ZNF776: variants seen among roughly 807,000 people sequenced by gnomAD.
ZNF776 encodes zinc finger protein 776.
Under a neutral mutation model 7.0 loss-of-function variants are expected in ZNF776, and 4 were observed. The ratio of observed to expected loss-of-function variants is 0.57; its 90% CI spans 0.28 to 1.31. The LOEUF is 1.31. Among genes scored for constraint, ZNF776 ranks in the 50% most tolerant of loss-of-function variants. The pLI, the probability that ZNF776 is intolerant of heterozygous loss-of-function variation, is 0.10. For synonymous variants in ZNF776, 212 were observed against 213.7 expected (o/e 0.99, Z 0.07); for missense variants, 555 against 625.9 (o/e 0.89, Z 1.21).
chr19:57,747,187 G>C (rs941877563), intron 1 of ZNF776, 96 bp downstream of exon 1: 3 of 1,383,960 alleles, frequency 2.2e-6, no homozygotes, highest in Non-Finnish European at 2.9e-6. Context: ...TTTACACCCT[G>C]AACCCGGCGT....
In ZNF776 at chr19:57,746,975, C is replaced by G. The variant is rs889056997; in HGVS notation, c.-84C>G. 1.4e-6 allele frequency: 2 copies of G among 1,414,382 alleles called. No homozygotes were observed. The highest frequency in any genetic ancestry group is 2.9e-5 in the African/African-American group (2 of 69,856). The allele number at this position is 1,414,382 out of a possible 1,614,324, so 87.6% of individuals were successfully genotyped here. ...TTAAAGGCGCTAGGCGTGACCCGCA[C>G]CAAGGCCGGGATCGGGACCACCGTG... On this transcript the variant is annotated 5_prime_UTR_variant, in exon 1 of 3. Transcript: ENST00000317178.
chr19:57,751,228 A>G (rs182870126), intron 2 of ZNF776, among the ~76,000 whole-genome samples: 3 of 152,332 alleles, frequency 2.0e-5, no homozygotes, highest in East Asian at 3.9e-4. Context: ...CACAGGTTCT[A>G]CTTCCTTGCT....
chr19:57,748,779 G>A (rs1986517016), intron 1 of ZNF776, among the ~76,000 whole-genome samples: 1 of 152,094 alleles, frequency 6.6e-6, no homozygotes, highest in Non-Finnish European at 1.5e-5. Context: ...ATGCAGAAGT[G>A]TAGTCAAATT....
At chr19:57,747,243 C>T (rs1986463169) in intron 1 of ZNF776, among the ~76,000 whole-genome samples, 152 bp downstream of exon 1, 1 of 152,124 alleles carries the variant, frequency 6.6e-6, no homozygotes, top group African/African-American at 2.4e-5. Context: ...TTGACACCCG[C>T]GGGATGCGCT....
At chr19:57,747,115 C>A in intron 1 of ZNF776, 24 bp downstream of exon 1, 1 of 1,577,012 alleles carries the variant, frequency 6.3e-7, no homozygotes, top group East Asian at 2.3e-5. Flanking sequence ...CTTCCGTGCC[C>A]TCAGGTCACC....
chr19:57,750,641 A>G (rs1311633039), intron 1 of ZNF776, 144 bp from the exon 2 acceptor site: 2 of 1,074,152 alleles, frequency 1.9e-6, no homozygotes, highest in Non-Finnish European at 2.6e-6. Context: ...GTACACCATG[A>G]CCAGTGAGCC....
In ZNF776 at chr19:57,753,964, C is replaced by G. The variant is rs962167593; in HGVS notation, c.834C>G (p.His278Gln). The G allele has an allele frequency of 6.2e-7, 1 of 1,614,238 alleles. No homozygotes were observed. The highest frequency in any genetic ancestry group is 8.5e-7 in the Non-Finnish European group (1 of 1,180,044). Residue 278 changes from histidine to glutamine, a missense_variant, in exon 3 of 3, where the codon CAC (histidine) becomes CAG (glutamine). Physicochemically the swap from His to Gln is conservative, Grantham distance 24. Transcript: ENST00000317178. The part of the protein sequence containing the change: ...QCDESFWYKA[H>Q]LTEHQRVHTG... ...ATGAATCATTTTGGTATAAGGCCCACCTCACTGAACACCAGAGAGTTCACA... is the reference window on the plus strand; with the variant it reads ...ATGAATCATTTTGGTATAAGGCCCAGCTCACTGAACACCAGAGAGTTCACA...
At position 57,753,686 on chromosome 19, in the gene ZNF776, C is replaced by G; in HGVS notation, c.556C>G (p.His186Asp). ...SLRLLQQEDI[H>D]TSGKSNFETK... ...GAGATTACTCCAACAAGAGGACATTCACACTTCAGGGAAGTCAAACTTTGA... is the reference window on the plus strand; with the variant it reads ...GAGATTACTCCAACAAGAGGACATTGACACTTCAGGGAAGTCAAACTTTGA... Residue 186 changes from histidine to aspartate, a missense_variant, in exon 3 of 3, where the codon CAC becomes GAC. His to Asp is a moderately conservative substitution (Grantham distance 81). Coordinates refer to ENST00000317178, the MANE Select transcript of ZNF776 (RefSeq NM_173632.4). 6.2e-7 allele frequency: 1 copy of G among 1,614,158 alleles called. No individual in the cohort carries two copies. The highest frequency in any genetic ancestry group is 1.6e-4 in the Middle Eastern group (1 of 6,062).
rs1489787438 is a variant in ZNF776 at position 57,755,037 on chromosome 19, T to C, written c.*350T>C. ...TGACTGTAAGGAATTTGTAAAATTA[T>C]TTAGCCAGAAGAGCTGCATTACTAT... On this transcript the variant is annotated 3_prime_UTR_variant, in exon 3 of 3. Transcript: ENST00000317178. The C allele has an allele frequency of 4.1e-6, 1 of 246,640 alleles. No individual in the cohort carries two copies. Among genetic ancestry groups the C allele is most frequent in the African/African-American group, 2.2e-5 (1 of 44,452 alleles). 15.3% of individuals were successfully genotyped at this position (246,640 alleles called of 1,614,324 possible).
intron 1 of ZNF776, among the ~76,000 whole-genome samples, chr19:57,750,541 G>C (rs770715635): frequency 7.9e-5 from 12 of 152,204 alleles, no homozygotes; most frequent in African/African-American, 1.2e-4. Flanking sequence ...TCTACCAGGG[G>C]CATTGGCTAT....
chr19:57,751,868 GTT>G (rs768825787), intron 2 of ZNF776, among the ~76,000 whole-genome samples: 2 of 67,504 alleles, frequency 3.0e-5, no homozygotes, highest in South Asian at 6.8e-4. Context: ...TTTTGGTTTT[GTT>G]TTTTTTTTTT....
chr19:57,747,530 G>C (rs1259992780), intron 1 of ZNF776, among the ~76,000 whole-genome samples: 1 of 152,182 alleles, frequency 6.6e-6, no homozygotes, highest in Admixed American at 6.5e-5. Context: ...TTGGGCCCTG[G>C]GAGGTTGAAT....
chr19:57,751,874 T>G (rs1457646092), intron 2 of ZNF776, among the ~76,000 whole-genome samples: 1 of 113,964 alleles, frequency 8.8e-6, no homozygotes, highest in Non-Finnish European at 1.7e-5. Context: ...TTTTGTTTTT[T>G]TTTTTTTTTT....
At position 57,747,023 on chromosome 19, in the gene ZNF776, C is replaced by T. The variant is rs1475612279; in HGVS notation, c.-36C>T. On this transcript the variant is annotated 5_prime_UTR_variant, in exon 1 of 3. Transcript: ENST00000317178. ...GTGCCCGGGTACCTGCACTGCTCGCCCCCTCCTTTCGACCCCGCTTTCCCC... is the reference window on the plus strand; with the variant it reads ...GTGCCCGGGTACCTGCACTGCTCGCTCCCTCCTTTCGACCCCGCTTTCCCC... 6.4e-7 allele frequency: 1 copy of T among 1,558,378 alleles called. No homozygotes were observed. The highest frequency in any genetic ancestry group is 8.7e-7 in the Non-Finnish European group (1 of 1,150,144).
At position 57,753,523 on chromosome 19, in the gene ZNF776, A is replaced by G; in HGVS notation, c.393A>G (p.Gln131=). Residue 131 remains glutamine (Q), a synonymous_variant, in exon 3 of 3, where the codon CAA becomes CAG. Transcript: ENST00000317178. The part of the protein sequence containing the change: ...KKLDDDANHH[Q]DQKQHIGEKS... Reference sequence around the variant, plus strand: ...TGGATGACGATGCAAACCATCATCAAGACCAGAAGCAGCACATTGGAGAGA... The same window carrying G: ...TGGATGACGATGCAAACCATCATCAGGACCAGAAGCAGCACATTGGAGAGA... 1 of 1,614,260 alleles carries G rather than the reference A, an allele frequency of 6.2e-7. No homozygotes were observed. The highest frequency in any genetic ancestry group is 8.5e-7 in the Non-Finnish European group (1 of 1,180,038).
chr19:57,756,033 TTAACAC>T lies in ZNF776; in HGVS notation c.*1350_*1355del, dbSNP rs1431811822. 1 of 151,304 alleles carries T rather than the reference TTAACAC, an allele frequency of 6.6e-6. No individual in the cohort carries two copies. The highest frequency in any genetic ancestry group is 6.7e-5 in the Admixed American group (1 of 14,992). The allele number at this position is 151,304 out of a possible 1,614,324, so 9.4% of individuals were successfully genotyped here. Reference sequence around the variant, plus strand: ...TGTCTTGTGCCGCATATGAAATACATTAACACTAATGATAGCTGATGAACTTTTTTA... The same window carrying T: ...TGTCTTGTGCCGCATATGAAATACATTAATGATAGCTGATGAACTTTTTTA... On this transcript the variant is annotated 3_prime_UTR_variant, in exon 3 of 3. Transcript: ENST00000317178.
At position 57,757,959 on chromosome 19, in the gene ZNF776, T is replaced by C. The variant is rs1986826844; in HGVS notation, c.*3272T>C. Reference sequence around the variant, plus strand: ...TTAGATGTTCTTCTTTTTTCTTTATTATTATTTTTATTTCACATAGCAGGG... The same window carrying C: ...TTAGATGTTCTTCTTTTTTCTTTATCATTATTTTTATTTCACATAGCAGGG... On this transcript the variant is annotated 3_prime_UTR_variant, in exon 3 of 3. Coordinates refer to ENST00000317178, the MANE Select transcript of ZNF776 (RefSeq NM_173632.4). 6.6e-6 allele frequency: 1 copy of C among 152,218 alleles called. No individual in the cohort carries two copies. Among genetic ancestry groups the C allele is most frequent in the African/African-American group, 2.4e-5 (1 of 41,456 alleles). 9.4% of individuals were successfully genotyped at this position (152,218 alleles called of 1,614,324 possible). A position where few individuals can be genotyped will look rare whatever the true frequency, so the allele number is the denominator to read the frequency against.
At position 57,756,676 on chromosome 19, in the gene ZNF776, G is replaced by A. The variant is rs187879974; in HGVS notation, c.*1989G>A. On this transcript the variant is annotated 3_prime_UTR_variant, in exon 3 of 3. Transcript: ENST00000317178. ...GGGACAGTTTTAGTGACACACTTTGGTGCTTCTGAGAACAGCACAAAATTA... is the reference window on the plus strand; with the variant it reads ...GGGACAGTTTTAGTGACACACTTTGATGCTTCTGAGAACAGCACAAAATTA... 75 of 183,900 alleles carry A rather than the reference G, an allele frequency of 4.1e-4. No individual in the cohort carries two copies. The highest frequency in any genetic ancestry group is 1.7e-3 in the African/African-American group (73 of 42,000). The allele number at this position is 183,900 out of a possible 1,614,324, so 11.4% of individuals were successfully genotyped here.
chr19:57,751,868 GT>G (rs768825787), intron 2 of ZNF776, among the ~76,000 whole-genome samples: 27 of 67,526 alleles, frequency 4.0e-4, no homozygotes, highest in East Asian at 1.9e-3. Context: ...TTTTGGTTTT[GT>G]TTTTTTTTTT....
Sources: allele counts gnomAD v4.1 joint callset (sites outside exome capture counted in the v4.1 genomes callset), GRCh38; gene constraint gnomAD v4.1.1; transcripts MANE v1.5; gene names NCBI Gene and HGNC (gene_info 2026-07-23, HGNC 2026-07-21).